The following KIRREL3 variants were observed in gnomAD, a reference collection of about 807,000 sequenced individuals.
KIRREL3 encodes the protein kirre like nephrin family adhesion molecule 3.
KIRREL3 carries 36 observed loss-of-function variants against 89.7 expected under a neutral mutation model. That is an observed-to-expected ratio of 0.40 (90% CI 0.31 to 0.53). The LOEUF (loss-of-function observed/expected upper bound fraction) is 0.53, where lower values mean the gene tolerates loss of function less well. Among genes scored for constraint, KIRREL3 ranks in the 20% least tolerant of loss-of-function variants. KIRREL3 has a pLI of 0.49. For synonymous variants in KIRREL3, 445 were observed against 441.4 expected, an observed-to-expected ratio of 1.01 and a Z score of -0.10; for missense variants, 864 against 1,056.6, an observed-to-expected ratio of 0.82 and a Z score of 2.53.
rs772835022 is a variant in KIRREL3, at chr11:126,489,459, T to C, written c.434-15993A>G. Among the ~76,000 whole-genome samples the C allele has an allele frequency of 1.3e-5, 2 of 152,196 alleles. No homozygotes were observed. The highest frequency in any genetic ancestry group is 2.9e-5 in the Non-Finnish European group (2 of 68,032). On this transcript the variant is annotated intron_variant, in intron 4 of 16. Coordinates refer to ENST00000525144, the MANE Select transcript of KIRREL3 (RefSeq NM_032531.4). This position sits in a 1 kb window ranked among gnomAD's most constrained non-coding sequence, Gnocchi z 5.5. ...GAGGCGCAGATCTAGGACACATTGA[T>C]AAGCATGGAGTGTCAACTATGTTCC...
chr11:126,758,942 C>G (rs1022839289), intron 1 of KIRREL3, among the ~76,000 whole-genome samples: 1 of 152,096 alleles, frequency 6.6e-6, no homozygotes, highest in African/African-American at 2.4e-5. Context: ...AGGAGCTACC[C>G]AAGAAAAACA....
chr11:126,486,401 A>G lies in KIRREL3; in HGVS notation c.434-12935T>C, dbSNP rs1287205172. Among the ~76,000 whole-genome samples, 1 of 152,170 alleles carries G rather than the reference A, an allele frequency of 6.6e-6. No individual in the cohort carries two copies. The highest frequency in any genetic ancestry group is 2.4e-5 in the African/African-American group (1 of 41,432). ...CTCACCCTCCCAGTCCTGCGGAGCG[A>G]GAGACTTTCTCCTTTCTCCAGCCCA... is the stretch of plus-strand genomic sequence containing the variant. On this transcript the variant is annotated intron_variant, in intron 4 of 16. Coordinates refer to ENST00000525144, the MANE Select transcript of KIRREL3 (RefSeq NM_032531.4). This position sits in a 1 kb window ranked among gnomAD's most constrained non-coding sequence, Gnocchi z 6.2.
intron 1 of KIRREL3, among the ~76,000 whole-genome samples, chr11:126,886,915 A>C (rs2134744024): frequency 6.6e-6 from 1 of 152,078 alleles, no homozygotes; most frequent in African/African-American, 2.4e-5. Context: ...GATCAGTTTC[A>C]GAAATGTCTC....
At position 126,521,312 on chromosome 11, in the gene KIRREL3, T is replaced by C. The variant is rs1591671380; in HGVS notation, c.433+3A>G. The C allele has an allele frequency of 1.3e-6, 2 of 1,537,714 alleles. No individual in the cohort carries two copies. Among genetic ancestry groups the C allele is most frequent in the African/African-American group, 2.7e-5 (2 of 72,776 alleles). On this transcript the variant is annotated splice_donor_region_variant and intron_variant, in intron 4 of 16. Coordinates refer to ENST00000525144, the MANE Select transcript of KIRREL3 (RefSeq NM_032531.4). The surrounding 1 kb of genome is among the most constrained non-coding windows in gnomAD (Gnocchi z 4.1). Reference sequence around the variant, plus strand: ...CCCAGCCCCGTGTGCAGATGGTTCTTACCCAGGACTGTGAGGCGTGCGGGG... The same window carrying C: ...CCCAGCCCCGTGTGCAGATGGTTCTCACCCAGGACTGTGAGGCGTGCGGGG...
chr11:126,882,488 C>T (rs530638354), intron 1 of KIRREL3, among the ~76,000 whole-genome samples: 1 of 151,984 alleles, frequency 6.6e-6, no homozygotes, highest in South Asian at 2.1e-4. Flanking sequence ...CCACCCTGTC[C>T]CATGCAATTG....
chr11:126,805,637 G>T lies in KIRREL3; in HGVS notation c.55+194818C>A, dbSNP rs1951180583. 6.6e-6 allele frequency among the ~76,000 whole-genome samples: 1 copy of T among 152,146 alleles called. No homozygotes were observed. On this transcript the variant is annotated intron_variant, in intron 1 of 16. Transcript: ENST00000525144. This position sits in a 1 kb window ranked among gnomAD's most constrained non-coding sequence, Gnocchi z 4.3. ...CACCTGAAGAACATTTATTTTCAGG[G>T]TGATTGCTAAACTCCACAGTACAAA...
chr11:126,801,361 G>C (rs1232017659), intron 1 of KIRREL3, among the ~76,000 whole-genome samples: 1 of 152,168 alleles, frequency 6.6e-6, no homozygotes, highest in African/African-American at 2.4e-5. Flanking sequence ...CATGTGAGCT[G>C]CTGGAGTAAT....
intron 1 of KIRREL3, among the ~76,000 whole-genome samples, chr11:126,727,684 G>C (rs761214133): frequency 1.1e-4 from 17 of 152,202 alleles, no homozygotes; most frequent in Admixed American, 3.9e-4. Context: ...GCCTCACAAA[G>C]TGGAGAATTC....
intron 1 of KIRREL3, among the ~76,000 whole-genome samples, chr11:126,625,844 C>G (rs1943762225): frequency 6.6e-6 from 1 of 152,184 alleles, no homozygotes; most frequent in African/African-American, 2.4e-5. Context: ...TATGAGTGGT[C>G]CTTTCTCTGA....
At position 126,474,151 on chromosome 11, in the gene KIRREL3, GTT is replaced by G. The variant is rs2134286745; in HGVS notation, c.434-687_434-686del. ...TTTAGTAGAGATGGGGTTTCACCAT[GTT>G]GGCCAGGCTGGTCTCGAACTCCTGA... On this transcript the variant is annotated intron_variant, in intron 4 of 16. Coordinates refer to ENST00000525144, the MANE Select transcript of KIRREL3 (RefSeq NM_032531.4). This position sits in a 1 kb window ranked among gnomAD's most constrained non-coding sequence, Gnocchi z 6.7. Among the ~76,000 whole-genome samples, 1 of 152,220 alleles carries G rather than the reference GTT, an allele frequency of 6.6e-6. No homozygotes were observed. Among genetic ancestry groups the G allele is most frequent in the African/African-American group, 2.4e-5 (1 of 41,522 alleles).
At chr11:126,591,765 A>G (rs1942144513) in intron 1 of KIRREL3, among the ~76,000 whole-genome samples, 1 of 152,212 alleles carries the variant, frequency 6.6e-6, no homozygotes, top group African/African-American at 2.4e-5. Flanking sequence ...GGCTCTTTAC[A>G]GCTCATACCG....
chr11:126,838,878 C>G (rs1425211659), intron 1 of KIRREL3, among the ~76,000 whole-genome samples: 1 of 152,144 alleles, frequency 6.6e-6, no homozygotes, highest in Admixed American at 6.5e-5. Flanking sequence ...AGCAAAGTCT[C>G]CAAACAAATT....
chr11:126,702,984 G>A (rs1947368720), intron 1 of KIRREL3, among the ~76,000 whole-genome samples: 1 of 152,254 alleles, frequency 6.6e-6, no homozygotes, highest in African/African-American at 2.4e-5. Context: ...GAGGGCAATT[G>A]TTGCTTTTTC....
chr11:126,870,182 G>A lies in KIRREL3; in HGVS notation c.55+130273C>T, dbSNP rs1945062263. On this transcript the variant is annotated intron_variant, in intron 1 of 16. Coordinates refer to ENST00000525144, the MANE Select transcript of KIRREL3 (RefSeq NM_032531.4). The surrounding 1 kb of genome is among the most constrained non-coding windows in gnomAD (Gnocchi z 4.4). ...ACAGGGTCGTATGTCCTGGGGCAGGGCTCCCTGTTCACGGTCTAAAGCCAC... is the reference window on the plus strand; with the variant it reads ...ACAGGGTCGTATGTCCTGGGGCAGGACTCCCTGTTCACGGTCTAAAGCCAC... Among the ~76,000 whole-genome samples the A allele has an allele frequency of 6.6e-6, 1 of 152,150 alleles. No homozygotes were observed. Among genetic ancestry groups the A allele is most frequent in the Non-Finnish European group, 1.5e-5 (1 of 68,020 alleles).
At chr11:126,838,428 A>G (rs553800631) in intron 1 of KIRREL3, among the ~76,000 whole-genome samples, 2 of 152,374 alleles carry the variant, frequency 1.3e-5, no homozygotes, top group African/African-American at 4.8e-5. Flanking sequence ...AATCTCTGCC[A>G]TAGTGGCACA....
intron 1 of KIRREL3, among the ~76,000 whole-genome samples, chr11:126,962,318 A>T (rs74702751): frequency 0.049 from 7,464 of 152,272 alleles, 194 homozygotes; most frequent in Non-Finnish European, 0.059. Flanking sequence ...GGAGGTCAAG[A>T]TAGCAATATT....
Position 126,552,550 on chromosome 11 carries a change from G to GTATTTTTT in KIRREL3, c.133+10284_133+10285insAAAAAATA, listed in dbSNP as rs201214323. On this transcript the variant is annotated intron_variant, in intron 2 of 16. Transcript: ENST00000525144. ...TGCATCACACAGGGGAGAGAGAAAA[G>GTATTTTTT]TTTTTTTTTTTTTTTTTTTTTTTTT... 2.4e-4 allele frequency among the ~76,000 whole-genome samples: 20 copies of GTATTTTTT among 81,768 alleles called. 1 individual carries two copies. Among genetic ancestry groups the GTATTTTTT allele is most frequent in the African/African-American group, 8.1e-4 (19 of 23,494 alleles). 53.6% of individuals were successfully genotyped at this position (81,768 alleles called of 152,430 possible).
intron 4 of KIRREL3, among the ~76,000 whole-genome samples, chr11:126,499,113 C>T (rs1440050215): frequency 6.8e-6 from 1 of 147,528 alleles, no homozygotes; most frequent in Non-Finnish European, 1.5e-5. Context: ...GATTGTGCCA[C>T]TGCACCCCAG....
At chr11:126,720,109 C>G (rs1948114023) in intron 1 of KIRREL3, among the ~76,000 whole-genome samples, 1 of 152,170 alleles carries the variant, frequency 6.6e-6, no homozygotes, top group Non-Finnish European at 1.5e-5. Context: ...TTGACTTTGT[C>G]TTATGTTTCT....
Sources: gnomAD v4.1 joint callset for allele counts (sites outside exome capture counted in the v4.1 genomes callset) on GRCh38, gnomAD v4.1.1 for gene constraint, Gnocchi (gnomAD v3.1) non-coding constraint, MANE v1.5 for transcripts, NCBI Gene and HGNC (gene_info 2026-07-23, HGNC 2026-07-21) for gene names.